Variants in LRRC56 observed in about 807,000 individuals in gnomAD.
The protein encoded by LRRC56 is leucine rich repeat containing 56.
In LRRC56, 41 loss-of-function variants were observed where a neutral mutation model predicts 47.8. The observed-to-expected ratio is 0.86, with a 90% CI of 0.67 to 1.11. LRRC56 has a LOEUF of 1.11. Among genes scored for constraint, LRRC56 ranks in the 50% most tolerant of loss-of-function variants. The probability of loss-of-function intolerance (pLI) is 0.00; values close to 1 mark genes in which losing one functional copy is unlikely to be tolerated. For synonymous variants in LRRC56, 387 were observed against 311.2 expected, an observed-to-expected ratio of 1.24 and a Z score of -2.56; for missense variants, 759 against 704.2, an observed-to-expected ratio of 1.08 and a Z score of -0.88.
chr11:511,157 T>TA, the LRRC56 span, among the ~76,000 whole-genome samples: 4 of 148,598 alleles, frequency 2.7e-5, no homozygotes. Flanking sequence ...GCGTCTCTAC[T>TA]AAAAATACAA....
chr11:523,702 G>T, the LRRC56 span, among the ~76,000 whole-genome samples: 1 of 151,722 alleles, frequency 6.6e-6, no homozygotes, highest in East Asian at 2.0e-4. Flanking sequence ...GGAGGCCCAG[G>T]CAGGTGGATC....
Position 552,241 on chromosome 11 carries a change from C to T in LRRC56, c.1181+9C>T, listed in dbSNP as rs770773758. 3.3e-5 allele frequency: 53 copies of T among 1,604,904 alleles called. No homozygotes were observed. The highest frequency in any genetic ancestry group is 4.2e-5 in the Non-Finnish European group (49 of 1,174,580). ...AGGGAACATGGCGTGCGGTGGGTGT[C>T]CCTCCAGCTCTTCCACTGGGTGTGT... is the stretch of plus-strand genomic sequence containing the variant. On this transcript the variant is annotated intron_variant, in intron 12 of 13. Coordinates refer to ENST00000270115, the MANE Select transcript of LRRC56 (RefSeq NM_198075.4).
the LRRC56 span, among the ~76,000 whole-genome samples, chr11:518,867 G>C: frequency 6.6e-6 from 1 of 151,234 alleles, no homozygotes. Context: ...GCCGGGACTC[G>C]GGCGCCCTCT....
At chr11:534,437 G>A, upstream of LRRC56, 2 of 816,798 alleles carry the variant, frequency 2.4e-6, no homozygotes, top group Non-Finnish European at 3.9e-6. Flanking sequence ...CAGGGCAGCT[G>A]CTGGCAGGGC....
chr11:517,957 G>A, the LRRC56 span, among the ~76,000 whole-genome samples: 2 of 152,168 alleles, frequency 1.3e-5, no homozygotes, highest in African/African-American at 2.4e-5. Flanking sequence ...TTAAACAGAT[G>A]CTTGGAGGCA....
the LRRC56 span, among the ~76,000 whole-genome samples, chr11:527,309 A>T: frequency 3.9e-5 from 6 of 152,154 alleles, no homozygotes; most frequent in East Asian, 1.9e-4. Context: ...AAAAAAAAAA[A>T]TTTGCAACGT....
chr11:548,742 A>G (rs1021886902), intron 6 of LRRC56, among the ~76,000 whole-genome samples: 4 of 152,102 alleles, frequency 2.6e-5, no homozygotes, highest in African/African-American at 4.8e-5. Context: ...ACAGGCGTGA[A>G]CCACCGCGCC....
Position 554,875 on chromosome 11 carries a change from T to C in LRRC56, c.*599T>C. On this transcript the variant is annotated 3_prime_UTR_variant, in exon 14 of 14. Transcript: ENST00000270115. ...TCAGGTGTACAGAAATGCGGTTTACTTTGTAGGCCACGTTGGTTCAATAAA... is the reference window on the plus strand; with the variant it reads ...TCAGGTGTACAGAAATGCGGTTTACCTTGTAGGCCACGTTGGTTCAATAAA... 1.2e-6 allele frequency: 1 copy of C among 806,812 alleles called. No homozygotes were observed. 50.0% of individuals were successfully genotyped at this position (806,812 alleles called of 1,614,324 possible). A position where few individuals can be genotyped will look rare whatever the true frequency, so the allele number is the denominator to read the frequency against.
the LRRC56 span, among the ~76,000 whole-genome samples, chr11:514,115 C>T: frequency 2.2e-4 from 33 of 152,174 alleles, no homozygotes; most frequent in Admixed American, 1.7e-3. Flanking sequence ...CCTTAGCCTC[C>T]GGAGGAGCTG....
In LRRC56 at chr11:550,269, C is replaced by T. The variant is rs778305581; in HGVS notation, c.621C>T (p.Asn207=). ...VCLQPAPGPT[N]KVPRGYNYRA... Reference sequence around the variant, plus strand: ...TACAGCCGGCCCCTGGCCCCACCAACAAGGTGCGTGTCCCGGGCACCCGGC... The same window carrying T: ...TACAGCCGGCCCCTGGCCCCACCAATAAGGTGCGTGTCCCGGGCACCCGGC... The change falls in exon 8 of 14, where the codon AAC becomes AAT. Residue 207 remains asparagine, a synonymous_variant. Coordinates refer to ENST00000270115, the MANE Select transcript of LRRC56 (RefSeq NM_198075.4). 8.8e-6 allele frequency: 14 copies of T among 1,584,250 alleles called. No individual in the cohort carries two copies. In the African/African-American group the frequency reaches 1.6e-4, roughly 18 times the overall value.
chr11:553,004 C>T (rs1303057335), intron 13 of LRRC56, among the ~76,000 whole-genome samples: 1 of 152,128 alleles, frequency 6.6e-6, no homozygotes, highest in African/African-American at 2.4e-5. Flanking sequence ...GGAGTCGGGA[C>T]AGAAAGAAGG....
the LRRC56 span, among the ~76,000 whole-genome samples, chr11:508,277 C>T: frequency 6.6e-6 from 1 of 152,170 alleles, no homozygotes; most frequent in African/African-American, 2.4e-5. Flanking sequence ...GTGATCCTCC[C>T]GCCTCAGCCT....
chr11:525,540 C>A, the LRRC56 span, among the ~76,000 whole-genome samples: 27 of 146,372 alleles, frequency 1.8e-4, no homozygotes, highest in African/African-American at 6.8e-4. Context: ...AGAGTGAGAC[C>A]CTGTCTCAAA....
chr11:548,793 C>T (rs1852215876), intron 6 of LRRC56, among the ~76,000 whole-genome samples: 5 of 152,134 alleles, frequency 3.3e-5, no homozygotes, highest in Admixed American at 2.0e-4. Context: ...TAACGAAGTG[C>T]TCCTTAGACG....
At chr11:539,990 T>C (rs912930152) in intron 3 of LRRC56, among the ~76,000 whole-genome samples, 3 of 152,168 alleles carry the variant, frequency 2.0e-5, no homozygotes, top group Admixed American at 2.0e-4. Context: ...GATAGTCAGG[T>C]CCTGGGCTGA....
chr11:506,503 A>G, the LRRC56 span: 1 of 152,174 alleles, frequency 6.6e-6, no homozygotes, highest in South Asian at 2.1e-4. Context: ...CCCAGGCGGC[A>G]GCTTCGCGGC....
chr11:519,185 T>G, the LRRC56 span, among the ~76,000 whole-genome samples: 1 of 152,230 alleles, frequency 6.6e-6, no homozygotes, highest in Non-Finnish European at 1.5e-5. Context: ...CACCCGCAGT[T>G]CACCCCTGAG....
chr11:529,947 T>G, the LRRC56 span, among the ~76,000 whole-genome samples: 1 of 152,126 alleles, frequency 6.6e-6, no homozygotes, highest in Admixed American at 6.5e-5. Context: ...ATGAGGGGGC[T>G]TCCGTGGAGC....
chr11:532,230 C>G, the LRRC56 span: 4 of 380,758 alleles, frequency 1.1e-5, no homozygotes, highest in East Asian at 1.7e-4. Context: ...CACCCTCAGC[C>G]GAAAACCAAG....
Sources: gnomAD v4.1 joint callset for allele counts (sites outside exome capture counted in the v4.1 genomes callset) on GRCh38, gnomAD v4.1.1 for gene constraint, MANE v1.5 for transcripts, NCBI Gene and HGNC (gene_info 2026-07-23, HGNC 2026-07-21) for gene names.